Variants in AFG1L observed in about 807,000 individuals in gnomAD.
The protein encoded by AFG1L is AFG1-like ATPase.
A neutral mutation model predicts 62.2 loss-of-function variants in AFG1L; 53 were observed. That is an observed-to-expected ratio of 0.85 (90% CI 0.68 to 1.07). AFG1L has a LOEUF of 1.07. Ranked by LOEUF, AFG1L falls within the 50% of genes least tolerant of loss-of-function variation. The pLI is 0.00. For synonymous variants in AFG1L, 228 were observed against 210.3 expected (o/e 1.08, Z -0.73); for missense variants, 555 against 590.5 (o/e 0.94, Z 0.62).
At chr6:108,383,110 G>A (rs1224487615) in intron 6 of AFG1L, among the ~76,000 whole-genome samples, 1 of 152,146 alleles carries the variant, frequency 6.6e-6, no homozygotes, top group Non-Finnish European at 1.5e-5. Context: ...GTGCGCACCT[G>A]TAATTCTAGC....
chr6:108,463,666 G>C (rs953271649), intron 8 of AFG1L, among the ~76,000 whole-genome samples: 1 of 152,092 alleles, frequency 6.6e-6, no homozygotes, highest in Non-Finnish European at 1.5e-5. Flanking sequence ...AAGATTAATG[G>C]AACCAGGTAA....
chr6:108,395,321 T>C (rs189472295), intron 6 of AFG1L, among the ~76,000 whole-genome samples: 102 of 152,018 alleles, frequency 6.7e-4, no homozygotes, highest in African/African-American at 2.3e-3. Context: ...CATAATGCCA[T>C]ACTTTTTAAA....
chr6:108,500,182 G>A (rs1774136172), intron 10 of AFG1L, among the ~76,000 whole-genome samples: 1 of 149,126 alleles, frequency 6.7e-6, no homozygotes, highest in African/African-American at 2.4e-5. Flanking sequence ...GTGTGTGTGT[G>A]TGTGTGTGTG....
At chr6:108,437,059 C>T (rs1305860449) in intron 7 of AFG1L, among the ~76,000 whole-genome samples, 5 of 152,142 alleles carry the variant, frequency 3.3e-5, no homozygotes, top group Non-Finnish European at 5.9e-5. Context: ...AAACAAGCTC[C>T]CTCAGCCTTT....
At chr6:108,333,221 C>G (rs1778345635) in intron 2 of AFG1L, among the ~76,000 whole-genome samples, 2 of 151,592 alleles carry the variant, frequency 1.3e-5, no homozygotes, top group Non-Finnish European at 2.9e-5. Context: ...ACCAACCTGG[C>G]CAACATGGTG....
chr6:108,330,192 T>TA lies in AFG1L; in HGVS notation c.363+6144_363+6145insA, dbSNP rs1415242286. Among the ~76,000 whole-genome samples, 629 of 150,540 alleles carry TA rather than the reference T, an allele frequency of 4.2e-3. 6 individuals carry two copies. Among genetic ancestry groups the TA allele is most frequent in the African/African-American group, 0.013 (552 of 41,160 alleles). ...ATAAATTCCTTTTTTATTTTTTTTTTTTTTTTGCGACTGAGTCTCACTCTG... is the reference window on the plus strand; with the variant it reads ...ATAAATTCCTTTTTTATTTTTTTTTTATTTTTTGCGACTGAGTCTCACTCTG... On this transcript the variant is annotated intron_variant, in intron 2 of 12. Transcript: ENST00000368977.
intron 8 of AFG1L, among the ~76,000 whole-genome samples, chr6:108,451,741 G>T (rs1239463657): frequency 1.3e-5 from 2 of 152,052 alleles, no homozygotes; most frequent in Non-Finnish European, 2.9e-5. Context: ...GGGGGACACG[G>T]AGTCTTGCTC....
chr6:108,475,827 A>G (rs568482067), intron 8 of AFG1L, among the ~76,000 whole-genome samples: 1 of 152,346 alleles, frequency 6.6e-6, no homozygotes, highest in Admixed American at 6.5e-5. Flanking sequence ...CCACCTGATA[A>G]TTATCTCAAG....
intron 8 of AFG1L, among the ~76,000 whole-genome samples, chr6:108,451,800 C>A (rs970731766): frequency 3.3e-5 from 5 of 152,014 alleles, no homozygotes; most frequent in Admixed American, 6.6e-5. Context: ...CTCACTGCAA[C>A]CTCTGCTTCC....
At chr6:108,425,378 G>A (rs76159189) in intron 7 of AFG1L, among the ~76,000 whole-genome samples, 8,148 of 152,142 alleles carry the variant, frequency 0.054, 545 homozygotes, top group African/African-American at 0.15. Context: ...CCATACTGGT[G>A]TATGCTAGTG....
At chr6:108,390,073 A>G (rs1359978448) in intron 6 of AFG1L, among the ~76,000 whole-genome samples, 1 of 151,926 alleles carries the variant, frequency 6.6e-6, no homozygotes, top group African/African-American at 2.4e-5. Context: ...GGCTTTGTTC[A>G]TTTCTTTTTA....
At chr6:108,324,114 A>G (rs544957883) in intron 2 of AFG1L, 66 bp downstream of exon 2, 22 of 1,129,712 alleles carry the variant, frequency 1.9e-5, no homozygotes, top group African/African-American at 4.7e-5. Flanking sequence ...AATGGATGCA[A>G]TGCAGTAGGA....
At chr6:108,335,458 T>C (rs1404750395) in intron 2 of AFG1L, among the ~76,000 whole-genome samples, 2 of 152,240 alleles carry the variant, frequency 1.3e-5, no homozygotes, top group African/African-American at 4.8e-5. Flanking sequence ...ATTGTGTGCC[T>C]ATATCCACGT....
chr6:108,340,366 TG>T (rs1223595475), intron 2 of AFG1L, among the ~76,000 whole-genome samples: 2,721 of 98,308 alleles, frequency 0.028, 48 homozygotes, highest in Middle Eastern at 0.14. Flanking sequence ...ATAATTTCAG[TG>T]TTTTTTTTTT....
At chr6:108,306,922 T>TG (rs1307757157) in intron 1 of AFG1L, among the ~76,000 whole-genome samples, 5 of 152,348 alleles carry the variant, frequency 3.3e-5, no homozygotes, top group African/African-American at 1.2e-4. Flanking sequence ...ATATCTCACT[T>TG]GCGACTCTTA....
At chr6:108,316,807 C>T (rs1203573592) in intron 1 of AFG1L, among the ~76,000 whole-genome samples, 1 of 152,114 alleles carries the variant, frequency 6.6e-6, no homozygotes, top group Non-Finnish European at 1.5e-5. Flanking sequence ...CCTGGGATTA[C>T]AAGCATGAGC....
chr6:108,387,678 T>G (rs1326128182), intron 6 of AFG1L: 1 of 152,238 alleles, frequency 6.6e-6, no homozygotes, highest in African/African-American at 2.4e-5. Flanking sequence ...ATTAAGGAAT[T>G]GATTACATGA....
At chr6:108,415,109 C>G (rs1308653824) in intron 7 of AFG1L, among the ~76,000 whole-genome samples, 1 of 152,180 alleles carries the variant, frequency 6.6e-6, no homozygotes, top group Admixed American at 6.5e-5. Context: ...AAATCACAGG[C>G]ATTCCTCTAC....
At chr6:108,350,460 G>A (rs184056509) in intron 3 of AFG1L, among the ~76,000 whole-genome samples, 203 of 152,030 alleles carry the variant, frequency 1.3e-3, no homozygotes, top group African/African-American at 4.6e-3. Context: ...CTCTTTCTTC[G>A]CAGATGTGTT....
Sources: allele counts gnomAD v4.1 joint callset (sites outside exome capture counted in the v4.1 genomes callset), GRCh38; gene constraint gnomAD v4.1.1; transcripts MANE v1.5; gene names NCBI Gene and HGNC (gene_info 2026-07-23, HGNC 2026-07-21).